The following KHDRBS2 variants were observed in gnomAD, a reference collection of about 807,000 sequenced individuals.
The protein encoded by KHDRBS2 is KH domain-containing, RNA-binding, signal transduction-associated protein 2.
A neutral mutation model predicts 44.3 loss-of-function variants in KHDRBS2; 26 were observed. The observed-to-expected ratio is 0.59, with a 90% CI of 0.43 to 0.81. The LOEUF (loss-of-function observed/expected upper bound fraction) is 0.81. Ranked by LOEUF, KHDRBS2 falls within the 40% of genes least tolerant of loss-of-function variation. The probability of loss-of-function intolerance (pLI) is 0.00; values close to 1 mark genes in which losing one functional copy is unlikely to be tolerated. For missense variants in KHDRBS2, 476 were observed against 433.1 expected (o/e 1.10, Z -0.88); for synonymous variants, 194 against 151.1 (o/e 1.28, Z -2.08).
At chr6:62,248,048 T>C (rs1233532451) in intron 1 of KHDRBS2, among the ~76,000 whole-genome samples, 1 of 152,078 alleles carries the variant, frequency 6.6e-6, no homozygotes, top group East Asian at 1.9e-4. Flanking sequence ...AAACAGGAAA[T>C]GTTACCCATA....
chr6:61,825,767 G>C (rs1157125793), intron 6 of KHDRBS2, among the ~76,000 whole-genome samples: 1 of 152,062 alleles, frequency 6.6e-6, no homozygotes, highest in African/African-American at 2.4e-5. Flanking sequence ...GTCTATGTGG[G>C]CTAGGGAAAG....
At chr6:61,652,135 T>C in the KHDRBS2 span, 1 of 152,124 alleles carries the variant, frequency 6.6e-6, no homozygotes. Context: ...CTCTCCTCTC[T>C]ATGCTTTTTG....
At chr6:61,721,867 G>A (rs1772629490) in intron 7 of KHDRBS2, among the ~76,000 whole-genome samples, 3 of 141,530 alleles carry the variant, frequency 2.1e-5, no homozygotes, top group Admixed American at 1.5e-4. Flanking sequence ...AGTTTTCAAA[G>A]GGAATACTTC....
intron 3 of KHDRBS2, among the ~76,000 whole-genome samples, chr6:61,981,683 C>A (rs1471789744): frequency 6.6e-6 from 1 of 151,976 alleles, no homozygotes; most frequent in Non-Finnish European, 1.5e-5. Context: ...TCTGCTTGAC[C>A]CCAAACCAAC....
At chr6:62,003,746 A>G (rs1371517267) in intron 3 of KHDRBS2, among the ~76,000 whole-genome samples, 1 of 152,160 alleles carries the variant, frequency 6.6e-6, no homozygotes, top group Non-Finnish European at 1.5e-5. Context: ...CTTATTCCAA[A>G]ATGGACCACA....
intron 7 of KHDRBS2, among the ~76,000 whole-genome samples, chr6:61,707,480 G>A (rs1199614427): frequency 1.3e-5 from 2 of 151,616 alleles, no homozygotes; most frequent in Non-Finnish European, 3.0e-5. Context: ...AAAAATATTG[G>A]GTTTAATTCT....
chr6:62,027,270 T>G (rs1783536761), intron 3 of KHDRBS2, among the ~76,000 whole-genome samples: 1 of 152,082 alleles, frequency 6.6e-6, no homozygotes, highest in Admixed American at 6.6e-5. Flanking sequence ...AACCTTTATT[T>G]TCTTAGTGCC....
At chr6:61,812,908 A>G (rs1478173505) in intron 6 of KHDRBS2, among the ~76,000 whole-genome samples, 2 of 152,088 alleles carry the variant, frequency 1.3e-5, no homozygotes, top group Non-Finnish European at 2.9e-5. Context: ...ATATGTATAT[A>G]GTTGTCTTTT....
chr6:62,234,516 T>C (rs924171033), intron 1 of KHDRBS2, among the ~76,000 whole-genome samples: 4 of 152,024 alleles, frequency 2.6e-5, no homozygotes, highest in African/African-American at 9.7e-5. Flanking sequence ...TACCTCAACT[T>C]GGAGCTTAAA....
chr6:61,976,289 G>C (rs1468888708), intron 4 of KHDRBS2, among the ~76,000 whole-genome samples: 7 of 152,066 alleles, frequency 4.6e-5, no homozygotes, highest in Non-Finnish European at 1.0e-4. Flanking sequence ...TACAGTGTTG[G>C]CCAAAGGAGA....
intron 1 of KHDRBS2, among the ~76,000 whole-genome samples, chr6:62,240,390 T>C (rs549826308): frequency 6.6e-6 from 1 of 151,992 alleles, no homozygotes; most frequent in Admixed American, 6.6e-5. Flanking sequence ...AATATCCTGG[T>C]TTCCTTTACT....
At chr6:62,244,112 A>G (rs1020979424) in intron 1 of KHDRBS2, among the ~76,000 whole-genome samples, 20 of 152,162 alleles carry the variant, frequency 1.3e-4, no homozygotes, top group Non-Finnish European at 2.9e-4. Flanking sequence ...TACTTTAAAA[A>G]AGATTCCTGA....
intron 3 of KHDRBS2, among the ~76,000 whole-genome samples, chr6:62,042,348 T>C (rs1786706910): frequency 6.6e-6 from 1 of 152,104 alleles, no homozygotes; most frequent in African/African-American, 2.4e-5. Flanking sequence ...GAAGTCAAAA[T>C]GAGTTAGGCA....
intron 2 of KHDRBS2, among the ~76,000 whole-genome samples, chr6:62,055,789 C>T (rs779413808): frequency 2.0e-5 from 3 of 151,966 alleles, no homozygotes; most frequent in Non-Finnish European, 4.4e-5. Context: ...AGTTGCATCA[C>T]ATTTGGAAGA....
intron 6 of KHDRBS2, among the ~76,000 whole-genome samples, chr6:61,749,452 A>G (rs944405515): frequency 3.3e-5 from 5 of 152,194 alleles, no homozygotes; most frequent in African/African-American, 9.7e-5. Flanking sequence ...TTCAAACTTT[A>G]CTGTAGAAGC....
At chr6:61,685,136 T>A (rs1477174378) in intron 8 of KHDRBS2, among the ~76,000 whole-genome samples, 1 of 151,792 alleles carries the variant, frequency 6.6e-6, no homozygotes, top group Non-Finnish European at 1.5e-5. Flanking sequence ...CTAACTTTCA[T>A]CATTCAGTTG....
At chr6:61,986,732 C>G (rs1214713381) in intron 3 of KHDRBS2, among the ~76,000 whole-genome samples, 2 of 152,136 alleles carry the variant, frequency 1.3e-5, no homozygotes, top group African/African-American at 4.8e-5. Context: ...CTTTTCCTGG[C>G]TTGCAGAAAG....
At chr6:61,936,592 T>C (rs1811079471) in intron 4 of KHDRBS2, among the ~76,000 whole-genome samples, 1 of 151,994 alleles carries the variant, frequency 6.6e-6, no homozygotes, top group Non-Finnish European at 1.5e-5. Flanking sequence ...TATTTTATCT[T>C]ATGTTGGTTT....
Position 62,077,295 on chromosome 6 carries a change from A to G in KHDRBS2, c.220-29301T>C, listed in dbSNP as rs568301570. Among the ~76,000 whole-genome samples, 9 of 152,114 alleles carry G rather than the reference A, an allele frequency of 5.9e-5. 1 individual carries two copies. Among genetic ancestry groups the G allele is most frequent in the Middle Eastern group, 3.4e-3 (1 of 294 alleles). The stretch of plus-strand genomic sequence containing the variant: ...CTATGTATGATCTTTCAGACCTACC[A>G]GAAGCAATTATGAAATTGCCTGCCA... On this transcript the variant is annotated intron_variant, in intron 2 of 8. Coordinates refer to ENST00000281156, the MANE Select transcript of KHDRBS2 (RefSeq NM_152688.4).
Sources: allele counts gnomAD v4.1 joint callset (sites outside exome capture counted in the v4.1 genomes callset), GRCh38; gene constraint gnomAD v4.1.1; transcripts MANE v1.5; gene names NCBI Gene and HGNC (gene_info 2026-07-23, HGNC 2026-07-21).